SYT13: variants seen among roughly 807,000 people sequenced by gnomAD.
The protein encoded by SYT13 is synaptotagmin-13.
In SYT13, 21 loss-of-function variants were observed where a neutral mutation model predicts 38.6. That is an observed-to-expected ratio of 0.54 (90% CI 0.39 to 0.78). The LOEUF (loss-of-function observed/expected upper bound fraction) is 0.78. Ranked by LOEUF, SYT13 falls within the 30% of genes least tolerant of loss-of-function variation. The pLI, the probability that SYT13 is intolerant of heterozygous loss-of-function variation, is 0.00. For synonymous variants in SYT13, 241 were observed against 237.6 expected (o/e 1.01, Z -0.13); for missense variants, 495 against 548.7 (o/e 0.90, Z 0.98).
At chr11:45,268,178 C>T (rs774710878) in intron 1 of SYT13, among the ~76,000 whole-genome samples, 80 of 152,282 alleles carry the variant, frequency 5.3e-4, no homozygotes, top group Non-Finnish European at 7.8e-4. Context: ...CCAGCCCTAA[C>T]GCAAACGTTT....
chr11:45,258,341 A>G (rs1295553329), intron 1 of SYT13: 1 of 152,090 alleles, frequency 6.6e-6, no homozygotes, highest in Non-Finnish European at 1.5e-5. Flanking sequence ...CCCCACTGAG[A>G]GTGTCACTGG....
intron 1 of SYT13, among the ~76,000 whole-genome samples, chr11:45,274,425 T>C (rs945348182): frequency 2.0e-5 from 3 of 152,198 alleles, no homozygotes; most frequent in African/African-American, 7.2e-5. Flanking sequence ...TTGCAAAGAA[T>C]GTGCAAAGAA....
Position 45,254,294 on chromosome 11 carries a change from C to G in SYT13, c.520G>C (p.Glu174Gln). 6.2e-7 allele frequency: 1 copy of G among 1,612,480 alleles called. No individual in the cohort carries two copies. The highest frequency in any genetic ancestry group is 1.7e-5 in the Admixed American group (1 of 59,702). The stretch of plus-strand genomic sequence containing the variant: ...CCTTCCAGGCGAGTCACAAACAATT[C>G]TGCCTTCTGACAGTCATAGTCCAGG... ...YCLDYDCQKA[E>Q]LFVTRLEAVT... Residue 174 changes from glutamate to glutamine, a missense_variant, in exon 3 of 6, where the codon GAA becomes CAA. Glu to Gln is a conservative substitution (Grantham distance 29, BLOSUM62 2). Coordinates refer to ENST00000020926, the MANE Select transcript of SYT13 (RefSeq NM_020826.3).
intron 5 of SYT13, 72 bp from the exon 6 acceptor site, chr11:45,244,428 C>G: frequency 6.5e-7 from 1 of 1,528,954 alleles, no homozygotes; most frequent in Non-Finnish European, 8.8e-7. Flanking sequence ...CTGGCAGGGC[C>G]CAGGACAAAG....
At chr11:45,251,257 C>T (rs1854670204) in intron 4 of SYT13, among the ~76,000 whole-genome samples, 1 of 151,486 alleles carries the variant, frequency 6.6e-6, no homozygotes, top group Non-Finnish European at 1.5e-5. Context: ...GGCGTGGTGG[C>T]GTGTGGCTGT....
At chr11:45,269,840 C>T (rs964742631) in intron 1 of SYT13, among the ~76,000 whole-genome samples, 2 of 152,132 alleles carry the variant, frequency 1.3e-5, no homozygotes, top group East Asian at 1.9e-4. Context: ...ATTGTTTTTG[C>T]TTTTCTGGCA....
Position 45,266,503 on chromosome 11 carries a change from T to TACACACAC in SYT13, c.184-10620_184-10613dup, listed in dbSNP as rs68112111. On this transcript the variant is annotated intron_variant, in intron 1 of 5. Transcript: ENST00000020926. The stretch of plus-strand genomic sequence containing the variant: ...CATAATCCTTCCACTCCCTCTCAAA[T>TACACACAC]ACACACACACACACACACACACACA... Among the ~76,000 whole-genome samples, 562 of 147,382 alleles carry TACACACAC rather than the reference T, an allele frequency of 3.8e-3. 3 individuals are homozygous for TACACACAC. The highest frequency in any genetic ancestry group is 5.3e-3 in the Non-Finnish European group (355 of 66,736).
intron 1 of SYT13, among the ~76,000 whole-genome samples, chr11:45,284,301 T>C (rs936592915): frequency 2.6e-5 from 4 of 152,200 alleles, no homozygotes; most frequent in Admixed American, 6.5e-5. Context: ...AAAACTTCTC[T>C]AGCTGTGCAG....
At chr11:45,279,220 A>G (rs1359078769) in intron 1 of SYT13, among the ~76,000 whole-genome samples, 1 of 152,190 alleles carries the variant, frequency 6.6e-6, no homozygotes, top group East Asian at 1.9e-4. Flanking sequence ...TCTGTGTTTT[A>G]CTTTTCTTCT....
chr11:45,267,277 T>C (rs1359511843), intron 1 of SYT13, among the ~76,000 whole-genome samples: 1 of 152,194 alleles, frequency 6.6e-6, no homozygotes, highest in Admixed American at 6.5e-5. Flanking sequence ...CTCCCATTTC[T>C]AGTGAGCCTT....
chr11:45,260,559 G>A (rs1854802630), intron 1 of SYT13, among the ~76,000 whole-genome samples: 2 of 152,144 alleles, frequency 1.3e-5, no homozygotes, highest in South Asian at 4.1e-4. Flanking sequence ...GGGTGCAGGA[G>A]GGACAGGACT....
chr11:45,241,140 A>G lies in SYT13; in HGVS notation c.*2912T>C, dbSNP rs1385135258. ...TAGGCAAATAGTAATACTCATTGTC[A>G]TGAATTTCTAGCTTGACTGCTAAGA... On this transcript the variant is annotated 3_prime_UTR_variant, in exon 6 of 6. Coordinates refer to ENST00000020926, the MANE Select transcript of SYT13 (RefSeq NM_020826.3). The G allele has an allele frequency of 6.6e-6, 1 of 152,254 alleles. No homozygotes were observed. Among genetic ancestry groups the G allele is most frequent in the African/African-American group, 2.4e-5 (1 of 41,468 alleles). The allele number at this position is 152,254 out of a possible 1,614,324, so 9.4% of individuals were successfully genotyped here. A position where few individuals can be genotyped will look rare whatever the true frequency, so the allele number is the denominator to read the frequency against.
chr11:45,244,469 A>G, intron 5 of SYT13, 113 bp from the exon 6 acceptor site: 5 of 1,299,524 alleles, frequency 3.8e-6, no homozygotes, highest in Admixed American at 2.5e-5. Context: ...GATGCTCAAG[A>G]GTTCGGACAT....
At chr11:45,251,791 G>A (rs945188013) in intron 4 of SYT13, among the ~76,000 whole-genome samples, 8 of 150,154 alleles carry the variant, frequency 5.3e-5, no homozygotes, top group African/African-American at 1.8e-4. Flanking sequence ...CAGCAGATAT[G>A]GGGAAATCAT....
At chr11:45,246,357 T>C (rs758120668) in intron 5 of SYT13, 26 bp downstream of exon 5, 39 of 1,611,562 alleles carry the variant, frequency 2.4e-5, no homozygotes, top group Middle Eastern at 3.6e-4. Context: ...GGAGGGGCCT[T>C]GGCCATCCTC....
intron 3 of SYT13, 180 bp downstream of exon 3, chr11:45,254,090 G>T: frequency 1.7e-6 from 1 of 576,564 alleles, no homozygotes; most frequent in Non-Finnish European, 2.6e-6. Flanking sequence ...CCCCACTTTG[G>T]ACTGTTGGGG....
chr11:45,279,281 T>C (rs1855044767), intron 1 of SYT13, among the ~76,000 whole-genome samples: 1 of 152,214 alleles, frequency 6.6e-6, no homozygotes, highest in African/African-American at 2.4e-5. Flanking sequence ...ATTGTGATAA[T>C]TAAAATTAAT....
At chr11:45,274,597 G>C (rs1840663610) in intron 1 of SYT13, among the ~76,000 whole-genome samples, 1 of 152,136 alleles carries the variant, frequency 6.6e-6, no homozygotes, top group Non-Finnish European at 1.5e-5. Flanking sequence ...AGGGTGCAGG[G>C]GGCATTCAGA....
In SYT13 at chr11:45,241,508, G is replaced by GCCC. The variant is rs762760974; in HGVS notation, c.*2541_*2543dup. 10 of 50,116 alleles carry GCCC rather than the reference G, an allele frequency of 2.0e-4. No individual in the cohort carries two copies. Among genetic ancestry groups the GCCC allele is most frequent in the Non-Finnish European group, 2.2e-4 (5 of 22,406 alleles). The allele number at this position is 50,116 out of a possible 1,614,324, so 3.1% of individuals were successfully genotyped here. ...ACTAAAACTTTGAGATCCCTCCCCCGCCCCGCCCCCCCAAAAAAAAGAAGA... is the reference window on the plus strand; with the variant it reads ...ACTAAAACTTTGAGATCCCTCCCCCGCCCCCCCGCCCCCCCAAAAAAAAGAAGA... On this transcript the variant is annotated 3_prime_UTR_variant, in exon 6 of 6. Transcript: ENST00000020926.
Sources: gnomAD v4.1 joint callset for allele counts (sites outside exome capture counted in the v4.1 genomes callset) on GRCh38, gnomAD v4.1.1 for gene constraint, MANE v1.5 for transcripts, NCBI Gene and HGNC (gene_info 2026-07-23, HGNC 2026-07-21) for gene names.